The following MACROD2 variants were observed in gnomAD, a reference collection of about 807,000 sequenced individuals.
MACROD2 encodes ADP-ribose glycohydrolase MACROD2.
In MACROD2, 36 loss-of-function variants were observed where a neutral mutation model predicts 70.4. The observed-to-expected ratio is 0.51, with a 90% CI of 0.39 to 0.68. MACROD2 has a LOEUF of 0.68. Among genes scored for constraint, MACROD2 ranks in the 30% least tolerant of loss-of-function variants. The pLI is 0.00. For missense variants in MACROD2, 496 were observed against 538.4 expected (o/e 0.92, Z 0.78); for synonymous variants, 172 against 178.8 (o/e 0.96, Z 0.30).
intron 15 of MACROD2, among the ~76,000 whole-genome samples, chr20:16,022,047 CTTTTTT>C (rs543662575): frequency 9.2e-6 from 1 of 108,958 alleles, no homozygotes; most frequent in Non-Finnish European, 1.8e-5. Context: ...GTTTCAGTTT[CTTTTTT>C]TTTTTTTTTT....
At chr20:14,214,502 T>G (rs2081597992) in intron 3 of MACROD2, among the ~76,000 whole-genome samples, 1 of 152,152 alleles carries the variant, frequency 6.6e-6, no homozygotes, top group Non-Finnish European at 1.5e-5. Flanking sequence ...TTTAAAGTTT[T>G]TGAAATGAAG....
At chr20:14,850,892 T>C (rs1177997423) in intron 5 of MACROD2, among the ~76,000 whole-genome samples, 1 of 152,066 alleles carries the variant, frequency 6.6e-6, no homozygotes, top group Non-Finnish European at 1.5e-5. Flanking sequence ...GATAATAGTG[T>C]TTTAGAGAGT....
intron 5 of MACROD2, among the ~76,000 whole-genome samples, chr20:14,838,793 A>G (rs1396946290): frequency 6.6e-6 from 1 of 152,008 alleles, no homozygotes; most frequent in African/African-American, 2.4e-5. Flanking sequence ...TTCTATTACA[A>G]ACTTAGTCAT....
At chr20:14,810,102 T>C (rs1568808596) in intron 5 of MACROD2, among the ~76,000 whole-genome samples, 1 of 152,052 alleles carries the variant, frequency 6.6e-6, no homozygotes, top group African/African-American at 2.4e-5. Flanking sequence ...GCCAGCATCA[T>C]CCTGATACCA....
At chr20:14,963,563 T>C in intron 5 of MACROD2, among the ~76,000 whole-genome samples, 1 of 152,162 alleles carries the variant, frequency 6.6e-6, no homozygotes, top group East Asian at 1.9e-4. Context: ...GTATGCTGAT[T>C]ATGTAACAGC....
chr20:14,793,447 G>A (rs1487964724), intron 5 of MACROD2, among the ~76,000 whole-genome samples: 2 of 147,022 alleles, frequency 1.4e-5, no homozygotes, highest in African/African-American at 5.1e-5. Flanking sequence ...CCCCCACCAT[G>A]CCCCCCGCCA....
In MACROD2 at chr20:15,857,686, A is replaced by G. The variant is rs550387240; in HGVS notation, c.646-5059A>G. ...CTGTGGCCAGCCCTAACCCAGAACC[A>G]TTCAGAGAAATGCAACTTCAGCTTA... On this transcript the variant is annotated intron_variant, in intron 8 of 17. Coordinates refer to ENST00000684519, the MANE Select transcript of MACROD2 (RefSeq NM_001351661.2). Among the ~76,000 whole-genome samples the G allele has an allele frequency of 2.3e-3, 347 of 152,354 alleles. 1 individual carries two copies. Among genetic ancestry groups the G allele is most frequent in the African/African-American group, 7.4e-3 (309 of 41,584 alleles).
At chr20:14,192,019 T>G (rs1263956268) in intron 3 of MACROD2, among the ~76,000 whole-genome samples, 1 of 152,132 alleles carries the variant, frequency 6.6e-6, no homozygotes, top group East Asian at 1.9e-4. Flanking sequence ...AAATATTGAT[T>G]AAGCTATTGG....
chr20:14,351,219 C>T (rs1449588825), intron 3 of MACROD2, among the ~76,000 whole-genome samples: 3 of 151,878 alleles, frequency 2.0e-5, no homozygotes, highest in African/African-American at 7.3e-5. Context: ...TTCAGGGTGG[C>T]TTTGGCTATT....
At chr20:14,157,586 T>C (rs919956317) in intron 3 of MACROD2, among the ~76,000 whole-genome samples, 1 of 152,144 alleles carries the variant, frequency 6.6e-6, no homozygotes, top group African/African-American at 2.4e-5. Context: ...TGGTATCTTA[T>C]CACTTTACTC....
chr20:14,429,003 C>G (rs769797177), intron 3 of MACROD2, among the ~76,000 whole-genome samples: 6 of 152,140 alleles, frequency 3.9e-5, no homozygotes, highest in Non-Finnish European at 8.8e-5. Flanking sequence ...AAATTTAGGA[C>G]TGATACAGTG....
At position 14,197,656 on chromosome 20, in the gene MACROD2, A is replaced by G. The variant is rs149765487; in HGVS notation, c.271+111928A>G. Among the ~76,000 whole-genome samples the G allele has an allele frequency of 1.8e-4, 28 of 152,108 alleles. No individual in the cohort carries two copies. The East Asian group carries it at 5.0e-3, about 27-fold the overall frequency. On this transcript the variant is annotated intron_variant, in intron 3 of 17. Coordinates refer to ENST00000684519, the MANE Select transcript of MACROD2 (RefSeq NM_001351661.2). The stretch of plus-strand genomic sequence containing the variant: ...GTGGTGGGCGCCTGTAATCCCAGCT[A>G]CTTGGGAGGCTGAGACAGGACAATT...
intron 6 of MACROD2, among the ~76,000 whole-genome samples, chr20:15,380,307 G>A (rs1440193097): frequency 6.6e-6 from 1 of 151,980 alleles, no homozygotes; most frequent in Non-Finnish European, 1.5e-5. Context: ...GTGAACAAGA[G>A]GAAAGAAGCT....
intron 5 of MACROD2, among the ~76,000 whole-genome samples, chr20:14,823,684 A>G (rs1699696031): frequency 6.6e-6 from 1 of 152,168 alleles, no homozygotes; most frequent in South Asian, 2.1e-4. Context: ...GCTAATTCAC[A>G]TGACCATACC....
chr20:15,114,395 T>A (rs2075977511), intron 5 of MACROD2, among the ~76,000 whole-genome samples: 1 of 152,170 alleles, frequency 6.6e-6, no homozygotes, highest in Non-Finnish European at 1.5e-5. Context: ...ATTCTTTTGT[T>A]GGTCTTGAAG....
At chr20:15,051,683 T>C (rs867345162) in intron 5 of MACROD2, among the ~76,000 whole-genome samples, 4 of 152,030 alleles carry the variant, frequency 2.6e-5, no homozygotes, top group Admixed American at 2.6e-4. Context: ...TCTTGGTTAG[T>C]GTTTAATTGA....
rs770177438 is a variant in MACROD2 at position 14,326,907 on chromosome 20, A to T, written c.272-166572A>T. On this transcript the variant is annotated intron_variant, in intron 3 of 17. Transcript: ENST00000684519. This position sits in a 1 kb window ranked among gnomAD's most constrained non-coding sequence, Gnocchi z 5.5. Reference sequence around the variant, plus strand: ...TTCCATCTAGAACCAGGCGTTTTAGACTAGTGAGACCTTGAAGAGATGGTG... The same window carrying T: ...TTCCATCTAGAACCAGGCGTTTTAGTCTAGTGAGACCTTGAAGAGATGGTG... 1 of 1,613,816 alleles carries T rather than the reference A, an allele frequency of 6.2e-7. No homozygotes were observed. The highest frequency in any genetic ancestry group is 1.1e-5 in the South Asian group (1 of 91,082).
chr20:15,364,242 T>C (rs1007009144), intron 6 of MACROD2, among the ~76,000 whole-genome samples: 14 of 152,202 alleles, frequency 9.2e-5, no homozygotes, highest in Admixed American at 9.2e-4. Flanking sequence ...CATTCCTCCA[T>C]CCCCCTTCCT....
At chr20:14,596,419 A>G (rs1600433699) in intron 4 of MACROD2, among the ~76,000 whole-genome samples, 1 of 148,630 alleles carries the variant, frequency 6.7e-6, no homozygotes, top group Non-Finnish European at 1.5e-5. Context: ...AAACATATAT[A>G]TATATATATA....
Sources: allele counts gnomAD v4.1 joint callset (sites outside exome capture counted in the v4.1 genomes callset), GRCh38; gene constraint gnomAD v4.1.1; non-coding constraint Gnocchi (gnomAD v3.1); transcripts MANE v1.5; gene names NCBI Gene and HGNC (gene_info 2026-07-23, HGNC 2026-07-21).